The following BBS9 variants were observed in gnomAD, a reference collection of about 807,000 sequenced individuals.
BBS9 encodes the protein protein PTHB1.
BBS9 carries 89 observed loss-of-function variants against 117.7 expected under a neutral mutation model. That is an observed-to-expected ratio of 0.76 (90% confidence interval 0.64 to 0.90). The LOEUF (loss-of-function observed/expected upper bound fraction) is 0.90, where lower values mean the gene tolerates loss of function less well. BBS9 is among the 40% of genes least tolerant of loss of function. The pLI, the probability that BBS9 is intolerant of heterozygous loss-of-function variation, is 0.00. For missense variants in BBS9, 982 were observed against 1,042.2 expected (o/e 0.94, Z 0.80); for synonymous variants, 379 against 370.9 (o/e 1.02, Z -0.25).
chr7:33,293,536 A>G (rs1804527844), intron 9 of BBS9, among the ~76,000 whole-genome samples: 1 of 152,124 alleles, frequency 6.6e-6, no homozygotes, highest in Non-Finnish European at 1.5e-5. Context: ...TTGTTTCTGG[A>G]GGTCCCATGA....
intron 20 of BBS9, among the ~76,000 whole-genome samples, chr7:33,529,753 G>A (rs1461198269): frequency 1.3e-5 from 2 of 152,102 alleles, no homozygotes; most frequent in African/African-American, 2.4e-5. Context: ...TCACTGAAGA[G>A]CACATGCCCA....
intron 19 of BBS9, among the ~76,000 whole-genome samples, chr7:33,486,788 GAC>G (rs1843174345): frequency 6.6e-6 from 1 of 152,178 alleles, no homozygotes; most frequent in Non-Finnish European, 1.5e-5. Flanking sequence ...GTTTAGAGGT[GAC>G]CCTGGTAGCC....
chr7:33,253,688 G>C (rs562201341), intron 5 of BBS9, among the ~76,000 whole-genome samples: 1 of 152,152 alleles, frequency 6.6e-6, no homozygotes, highest in African/African-American at 2.4e-5. Context: ...TGATAGAGAG[G>C]CTCTGCTGTC....
rs748269891 is a variant in BBS9 at position 33,561,737 on chromosome 7, T to C, written c.2521+27561T>C. ...AGGAAGAAACAGATCTGATCAAGTATGAAGAAGGAAAAATGCTTTAATTTG... is the reference window on the plus strand; with the variant it reads ...AGGAAGAAACAGATCTGATCAAGTACGAAGAAGGAAAAATGCTTTAATTTG... On this transcript the variant is annotated intron_variant, in intron 21 of 22. Coordinates refer to ENST00000242067, the MANE Select transcript of BBS9 (RefSeq NM_198428.3). Among the ~76,000 whole-genome samples, 3 of 152,144 alleles carry C rather than the reference T, an allele frequency of 2.0e-5. 1 individual carries two copies. Among genetic ancestry groups the C allele is most frequent in the Non-Finnish European group, 4.4e-5 (3 of 68,012 alleles).
intron 11 of BBS9, among the ~76,000 whole-genome samples, chr7:33,343,697 T>C (rs537203668): frequency 0.011 from 1,664 of 151,920 alleles, 28 homozygotes; most frequent in African/African-American, 0.031. Flanking sequence ...CGGGGTTTCA[T>C]CATGTTGGCC....
intron 19 of BBS9, among the ~76,000 whole-genome samples, chr7:33,497,300 C>G (rs978311770): frequency 1.3e-5 from 2 of 152,026 alleles, no homozygotes; most frequent in Non-Finnish European, 2.9e-5. Flanking sequence ...TCAGTGTGTC[C>G]AGGATTTAAG....
At chr7:33,412,963 T>C (rs1351331708) in intron 19 of BBS9, among the ~76,000 whole-genome samples, 1 of 152,224 alleles carries the variant, frequency 6.6e-6, no homozygotes, top group East Asian at 1.9e-4. Context: ...TTTTGAAAGC[T>C]GTTGACTACA....
chr7:33,533,499 C>T (rs1040978192), intron 20 of BBS9, among the ~76,000 whole-genome samples: 1 of 152,174 alleles, frequency 6.6e-6, no homozygotes, highest in African/African-American at 2.4e-5. Flanking sequence ...TCCAGTTTCC[C>T]CCAGGGTATC....
chr7:33,170,880 G>A (rs1007944674), intron 4 of BBS9, among the ~76,000 whole-genome samples: 5 of 151,992 alleles, frequency 3.3e-5, no homozygotes, highest in Non-Finnish European at 5.9e-5. Flanking sequence ...AAAATACCTA[G>A]GAATCCAACT....
At position 33,488,772 on chromosome 7, in the gene BBS9, T is replaced by C. The variant is rs192036819; in HGVS notation, c.2116-16691T>C. On this transcript the variant is annotated intron_variant, in intron 19 of 22. Coordinates refer to ENST00000242067, the MANE Select transcript of BBS9 (RefSeq NM_198428.3). ...TAGTAAATTTCTTCTGTTCTAGCCC[T>C]GAAATTCTGATTCTGTGATTGCAAA... 2.3e-3 allele frequency among the ~76,000 whole-genome samples: 349 copies of C among 152,290 alleles called. 3 individuals are homozygous for C. The highest frequency in any genetic ancestry group is 8.0e-3 in the African/African-American group (334 of 41,564).
downstream of BBS9, among the ~76,000 whole-genome samples, chr7:33,610,626 T>G (rs905316679): frequency 3.9e-5 from 6 of 152,078 alleles, no homozygotes; most frequent in Non-Finnish European, 7.4e-5. Flanking sequence ...TAATCACCTC[T>G]TAACAGTCTC....
At chr7:33,488,509 G>A (rs530675321) in intron 19 of BBS9, among the ~76,000 whole-genome samples, 1 of 152,242 alleles carries the variant, frequency 6.6e-6, no homozygotes, top group African/African-American at 2.4e-5. Context: ...CCTCCTGTGT[G>A]ATTTAAGGCA....
rs1326810030 is a variant in BBS9 at position 33,357,906 on chromosome 7, G to A, written c.1604G>A (p.Cys535Tyr). Residue 535 changes from cysteine (C) to tyrosine (Y), a missense_variant, in exon 16 of 23, where the codon TGC (cysteine) becomes TAC (tyrosine). By Grantham distance (194) the Cys-to-Tyr change is radical. Transcript: ENST00000242067. ...TTTAGACTTCCCCTAAAGTTAATTTGCCTACCAGGTCAGCCTTCAAAAACT... is the reference window on the plus strand; with the variant it reads ...TTTAGACTTCCCCTAAAGTTAATTTACCTACCAGGTCAGCCTTCAAAAACT... ...CKFRLPLKLI[C>Y]LPGQPSKTAS... 5 of 1,611,802 alleles carry A rather than the reference G, an allele frequency of 3.1e-6. No individual in the cohort carries two copies. The highest frequency in any genetic ancestry group is 2.2e-5 in the East Asian group (1 of 44,818).
At chr7:33,520,700 G>A (rs1226574587) in intron 20 of BBS9, among the ~76,000 whole-genome samples, 1 of 152,172 alleles carries the variant, frequency 6.6e-6, no homozygotes, top group Non-Finnish European at 1.5e-5. Flanking sequence ...AAGTCATAGT[G>A]TGAGATGGTG....
chr7:33,540,257 T>G (rs1314122676), intron 21 of BBS9, among the ~76,000 whole-genome samples: 2 of 152,012 alleles, frequency 1.3e-5, no homozygotes, highest in African/African-American at 2.4e-5. Flanking sequence ...CCCTACCTCA[T>G]CCCATATCAC....
At position 33,155,720 on chromosome 7, in the gene BBS9, C is replaced by T. The variant is rs201767914; in HGVS notation, c.328+18C>T. On this transcript the variant is annotated intron_variant, in intron 4 of 22. Coordinates refer to ENST00000242067, the MANE Select transcript of BBS9 (RefSeq NM_198428.3). ...TGTCTCAGGTAAGAAATATTTTTAC[C>T]AATGTAGAATTTATATTACAAATTG... 1.9e-4 allele frequency: 211 copies of T among 1,085,704 alleles called. 23 individuals are homozygous for T. Among genetic ancestry groups the T allele is most frequent in the Non-Finnish European group, 2.5e-4 (184 of 747,076 alleles). 67.3% of individuals were successfully genotyped at this position (1,085,704 alleles called of 1,614,324 possible). A position where few individuals can be genotyped will look rare whatever the true frequency, so the allele number is the denominator to read the frequency against.
chr7:33,266,483 T>C (rs1304104503), intron 7 of BBS9, among the ~76,000 whole-genome samples: 1 of 152,220 alleles, frequency 6.6e-6, no homozygotes, highest in Non-Finnish European at 1.5e-5. Context: ...TTGAGATTTG[T>C]CTTATGGCCT....
intron 5 of BBS9, among the ~76,000 whole-genome samples, chr7:33,246,999 C>T (rs772413080): frequency 5.3e-5 from 8 of 151,944 alleles, no homozygotes; most frequent in Non-Finnish European, 8.8e-5. Flanking sequence ...ACCTAAGTTC[C>T]GAGAGACTTC....
intron 17 of BBS9, among the ~76,000 whole-genome samples, chr7:33,370,379 A>AG: frequency 6.6e-6 from 1 of 152,034 alleles, no homozygotes; most frequent in African/African-American, 2.4e-5. Context: ...CTGAGGTGGG[A>AG]GGATCACTTA....
Sources: gnomAD v4.1 joint callset for allele counts (sites outside exome capture counted in the v4.1 genomes callset) on GRCh38, gnomAD v4.1.1 for gene constraint, MANE v1.5 for transcripts, NCBI Gene and HGNC (gene_info 2026-07-23, HGNC 2026-07-21) for gene names.